Variants in DSP observed in about 807,000 individuals in gnomAD.
The protein encoded by DSP is 250/210 kDa paraneoplastic pemphigus antigen.
In DSP, 114 loss-of-function variants were observed where a neutral mutation model predicts 290.6. The ratio of observed to expected loss-of-function variants is 0.39; its 90% CI spans 0.34 to 0.46. The LOEUF is 0.46. Among genes scored for constraint, DSP ranks in the 20% least tolerant of loss-of-function variants. The probability of loss-of-function intolerance (pLI) is 0.99; values close to 1 mark genes in which losing one functional copy is unlikely to be tolerated. For missense variants in DSP, 3,230 were observed against 3,495.8 expected, an observed-to-expected ratio of 0.92 and a Z score of 1.92; for synonymous variants, 1,311 against 1,316.4, an observed-to-expected ratio of 1.00 and a Z score of 0.09.
intron 15 of DSP, 28 bp from the exon 16 acceptor site, chr6:7,574,058 C>A: frequency 6.2e-7 from 1 of 1,613,384 alleles, no homozygotes; most frequent in South Asian, 1.1e-5. Flanking sequence ...TCAGCTAAAT[C>A]AAAAGAGCTT....
chr6:7,575,442 C>G lies in DSP; in HGVS notation c.2584C>G (p.Gln862Glu), dbSNP rs746930044. The stretch of plus-strand genomic sequence containing the variant: ...GGGCAAGTTCGGTGAAAAAGTCACA[C>G]AGCTGACAGACCGCTGGCAAAGGAT... ...DLGKFGEKVT[Q>E]LTDRWQRIDK... The change falls in exon 18 of 24, where the codon CAG (glutamine) becomes GAG (glutamate). Residue 862 changes from glutamine (Q) to glutamate (E), a missense_variant. Gln to Glu is a conservative substitution (Grantham distance 29). Coordinates refer to ENST00000379802, the MANE Select transcript of DSP (RefSeq NM_004415.4). 11 of 1,614,220 alleles carry G rather than the reference C, an allele frequency of 6.8e-6. No individual in the cohort carries two copies. Among genetic ancestry groups the G allele is most frequent in the East Asian group, 2.2e-5 (1 of 44,894 alleles).
In DSP at chr6:7,572,057, A is replaced by G. The variant is rs756272327; in HGVS notation, c.2119A>G (p.Asn707Asp). Reference protein sequence around the residue: ...GSSHHITVKINELKSVQNDSQ... With the variant: ...GSSHHITVKIDELKSVQNDSQ... ...TTCTCACCACATCACAGTGAAAATT[A>G]ACGAGCTTAAGGTAGGTATCTGCTA... The change falls in exon 15 of 24, where the codon AAC becomes GAC. Residue 707 changes from asparagine (N) to aspartate (D), a missense_variant. Physicochemically the swap from Asn to Asp is conservative, Grantham distance 23. Around this residue, in one of 5 missense-constraint regions of DSP, gnomAD observed 1,714 missense variants for 1,844.5 expected, o/e 0.93. Transcript: ENST00000379802. The G allele has an allele frequency of 1.9e-6, 3 of 1,613,982 alleles. No individual in the cohort carries two copies. Among genetic ancestry groups the G allele is most frequent in the Non-Finnish European group, 2.5e-6 (3 of 1,179,964 alleles).
At chr6:7,566,746 A>G (rs1423191601) in intron 8 of DSP, among the ~76,000 whole-genome samples, 1 of 152,238 alleles carries the variant, frequency 6.6e-6, no homozygotes, top group Non-Finnish European at 1.5e-5. Context: ...GACACTGTGT[A>G]AATGAATGAG....
rs757018930 is a variant in DSP at position 7,581,001 on chromosome 6, C to T, written c.4811C>T (p.Ser1604Leu). 2.5e-6 allele frequency: 4 copies of T among 1,613,790 alleles called. No individual in the cohort carries two copies. The highest frequency in any genetic ancestry group is 2.2e-5 in the South Asian group (2 of 91,074). ...GAAGAGCTGGAAGGCATGAGGAGGT[C>T]GCTGAAGGAGCAAGCCATCAAAATC... ...LEEELEGMRR[S>L]LKEQAIKITN... is the part of the protein sequence containing the mutation. Residue 1604 changes from serine (S) to leucine (L), a missense_variant, in exon 23 of 24, where the codon TCG becomes TTG. Physicochemically the swap from Ser to Leu is moderately radical, Grantham distance 145. Around this residue, in one of 5 missense-constraint regions of DSP, gnomAD observed 1,714 missense variants for 1,844.5 expected, o/e 0.93. Coordinates refer to ENST00000379802, the MANE Select transcript of DSP (RefSeq NM_004415.4).
At chr6:7,570,365 G>T in intron 12 of DSP, 72 bp from the exon 13 acceptor site, 1 of 1,610,814 alleles carries the variant, frequency 6.2e-7, no homozygotes, top group East Asian at 2.2e-5. Flanking sequence ...TGGTGTGAGC[G>T]TGTCCAGGTT....
At chr6:7,544,326 G>A (rs1581780913) in intron 1 of DSP, among the ~76,000 whole-genome samples, 1 of 152,212 alleles carries the variant, frequency 6.6e-6, no homozygotes, top group East Asian at 1.9e-4. Flanking sequence ...TTGTGTGGAG[G>A]GATATGTTTG....
At position 7,584,644 on chromosome 6, in the gene DSP, T is replaced by A; in HGVS notation, c.7382T>A (p.Leu2461His). The stretch of plus-strand genomic sequence containing the variant: ...GTGCAGACATCACAAAAGAATACCC[T>A]CAGGAAGCGTAGAGTGGTCATAGTT... Reference protein sequence around the residue: ...KQVQTSQKNTLRKRRVVIVDP... With the variant: ...KQVQTSQKNTHRKRRVVIVDP... The change falls in exon 24 of 24, where the codon CTC becomes CAC. Residue 2461 changes from leucine to histidine, a missense_variant. Coordinates refer to ENST00000379802, the MANE Select transcript of DSP (RefSeq NM_004415.4). This position sits in a 1 kb window ranked among gnomAD's most constrained non-coding sequence, Gnocchi z 6.4. 6.2e-7 allele frequency: 1 copy of A among 1,614,002 alleles called. No homozygotes were observed. Among genetic ancestry groups the A allele is most frequent in the African/African-American group, 1.3e-5 (1 of 75,018 alleles).
Position 7,568,541 on chromosome 6 carries a change from C to A in DSP, c.1371C>A (p.Ser457Arg). 2 of 1,614,054 alleles carry A rather than the reference C, an allele frequency of 1.2e-6. No homozygotes were observed. Among genetic ancestry groups the A allele is most frequent in the Non-Finnish European group, 1.7e-6 (2 of 1,180,012 alleles). The change falls in exon 11 of 24, where the codon AGC (serine) becomes AGA (arginine). Residue 457 changes from serine to arginine, a missense_variant. Coordinates refer to ENST00000379802, the MANE Select transcript of DSP (RefSeq NM_004415.4). ...AGCCTCGTAACCCAGACTACAGAAG[C>A]AATAAACCCATTATTCTCAGAGCTC... ...QLKPRNPDYR[S>R]NKPIILRALC... is the part of the protein sequence containing the mutation.
Position 7,542,027 on chromosome 6 carries a change from A to G in DSP, c.112A>G (p.Ser38Gly), listed in dbSNP as rs957993982. The change falls in exon 1 of 24, where the codon AGC becomes GGC. Residue 38 changes from serine to glycine, a missense_variant. Coordinates refer to ENST00000379802, the MANE Select transcript of DSP (RefSeq NM_004415.4). Reference sequence around the variant, plus strand: ...GGTGACCAGCGGCGGCGGGGGCACCAGCAGGATGTACTATTCTCGGCGCGG... The same window carrying G: ...GGTGACCAGCGGCGGCGGGGGCACCGGCAGGATGTACTATTCTCGGCGCGG... ...YEVTSGGGGT[S>G]RMYYSRRGVI... 2 of 1,581,588 alleles carry G rather than the reference A, an allele frequency of 1.3e-6. No individual in the cohort carries two copies. Among genetic ancestry groups the G allele is most frequent in the Non-Finnish European group, 1.7e-6 (2 of 1,164,858 alleles).
chr6:7,578,896 T>G (rs1759328925), intron 22 of DSP, among the ~76,000 whole-genome samples: 1 of 152,242 alleles, frequency 6.6e-6, no homozygotes, highest in African/African-American at 2.4e-5. Context: ...TATTCAGTGA[T>G]TGTTCCCTTT....
chr6:7,575,608 CG>C, intron 18 of DSP, 120 bp downstream of exon 18: 10 of 1,188,998 alleles, frequency 8.4e-6, no homozygotes, highest in Non-Finnish European at 1.2e-5. Context: ...GTAAGTTAGG[CG>C]TAACAGATGC....
intron 2 of DSP, among the ~76,000 whole-genome samples, 172 bp from the exon 3 acceptor site, chr6:7,557,944 T>A (rs970530575): frequency 6.6e-5 from 10 of 152,186 alleles, no homozygotes; most frequent in African/African-American, 2.4e-4. Flanking sequence ...TCCACAAACT[T>A]TGGTTCATGA....
Position 7,556,329 on chromosome 6 carries a change from T to G in DSP, c.273+509T>G, listed in dbSNP as rs573501513. Among the ~76,000 whole-genome samples the G allele has an allele frequency of 2.6e-5, 4 of 152,296 alleles. No homozygotes were observed. In the South Asian group the frequency reaches 8.3e-4, roughly 32 times the overall value. On this transcript the variant is annotated intron_variant, in intron 2 of 23. Coordinates refer to ENST00000379802, the MANE Select transcript of DSP (RefSeq NM_004415.4). ...AACATTTCTGAGAACCTTGCGATGT[T>G]TCTTAAGATAACTGAGACATCCTAG...
intron 2 of DSP, among the ~76,000 whole-genome samples, chr6:7,557,534 G>A (rs1390375768): frequency 6.6e-6 from 1 of 152,216 alleles, no homozygotes; most frequent in East Asian, 1.9e-4. Flanking sequence ...ACAAAAATTA[G>A]CCTGGCGTGG....
chr6:7,579,517 GA>G lies in DSP; in HGVS notation c.3329del (p.Lys1110ArgfsTer5). On this transcript the variant is annotated frameshift_variant, in exon 23 of 24. Coordinates refer to ENST00000379802, the MANE Select transcript of DSP (RefSeq NM_004415.4). LOFTEE classifies it high-confidence loss of function. The surrounding 1 kb of genome is among the most constrained non-coding windows in gnomAD (Gnocchi z 4.1). ...ACGGCCAAATAAAAGAACTCAATGA[GA>G]AGATCACCCGACTGACTTATGAGAT... ...CYGQIKELNE[K>X]ITRLTYEIED... 6.2e-7 allele frequency: 1 copy of G among 1,613,932 alleles called. No individual in the cohort carries two copies. Among genetic ancestry groups the G allele is most frequent in the Non-Finnish European group, 8.5e-7 (1 of 1,180,032 alleles).
chr6:7,585,423 G>C lies in DSP; in HGVS notation c.8161G>C (p.Glu2721Gln). ...AGTGAAAGAAAAATGGCTCCCGTAT[G>C]AGGCTGGCCAGCGCTTCCTGGAGTT... ...EAVKEKWLPY[E>Q]AGQRFLEFQY... Residue 2721 changes from glutamate (E) to glutamine (Q), a missense_variant, in exon 24 of 24, where the codon GAG becomes CAG. Glu to Gln is a conservative substitution (Grantham distance 29). This residue lies in a region of DSP where 582 missense variants were observed against 555.4 expected (regional missense o/e 1.05). Transcript: ENST00000379802. The C allele has an allele frequency of 6.2e-7, 1 of 1,614,192 alleles. No homozygotes were observed. Among genetic ancestry groups the C allele is most frequent in the Non-Finnish European group, 8.5e-7 (1 of 1,180,036 alleles).
intron 1 of DSP, among the ~76,000 whole-genome samples, chr6:7,544,179 T>C (rs527801458): frequency 6.6e-6 from 1 of 152,294 alleles, no homozygotes; most frequent in Admixed American, 6.5e-5. Context: ...CAATGGAGGT[T>C]CCTCTCGAGC....
Position 7,571,990 on chromosome 6 carries a change from C to A in DSP, c.2052C>A (p.Gly684=), listed in dbSNP as rs760191477. The A allele has an allele frequency of 1.7e-5, 28 of 1,614,070 alleles. No individual in the cohort carries two copies. In the African/African-American group the frequency reaches 2.3e-4, roughly 13 times the overall value. The change falls in exon 15 of 24, where the codon GGC becomes GGA. Residue 684 remains glycine (G), a synonymous_variant. Coordinates refer to ENST00000379802, the MANE Select transcript of DSP (RefSeq NM_004415.4). ...KIRRQIEHCE[G]RMTLKNLPLA... ...GCAGGCAGATAGAGCACTGCGAGGGCAGGATGACTCTCAAAAACCTCCCTC... is the reference window on the plus strand; with the variant it reads ...GCAGGCAGATAGAGCACTGCGAGGGAAGGATGACTCTCAAAAACCTCCCTC...
At position 7,585,448 on chromosome 6, in the gene DSP, TC is replaced by T. The variant is rs886038929; in HGVS notation, c.8188del (p.Gln2730SerfsTer16). 2 of 1,614,076 alleles carry T rather than the reference TC, an allele frequency of 1.2e-6. No homozygotes were observed. Among genetic ancestry groups the T allele is most frequent in the Non-Finnish European group, 1.7e-6 (2 of 1,180,014 alleles). On this transcript the variant is annotated frameshift_variant, in exon 24 of 24. Transcript: ENST00000379802. LOFTEE classifies it high-confidence loss of function. ...GAGGCTGGCCAGCGCTTCCTGGAGT[TC>T]CAGTACCTCACGGGAGGTCTTGTTG... ...PYEAGQRFLE[F>X]QYLTGGLVDP...
Sources: gnomAD v4.1 joint callset for allele counts (sites outside exome capture counted in the v4.1 genomes callset) on GRCh38, gnomAD v4.1.1 for gene constraint, gnomAD v4.1.1 regional missense constraint, Gnocchi (gnomAD v3.1) non-coding constraint, MANE v1.5 for transcripts, NCBI Gene and HGNC (gene_info 2026-07-23, HGNC 2026-07-21) for gene names.